Variants in CDH19 observed in about 807,000 individuals in gnomAD.
CDH19 encodes the protein cadherin-19.
Under a neutral mutation model 64.2 loss-of-function variants are expected in CDH19, and 67 were observed. The observed-to-expected ratio is 1.04, with a 90% CI of 0.86 to 1.28. The LOEUF (loss-of-function observed/expected upper bound fraction) is 1.28, where lower values mean the gene tolerates loss of function less well. Ranked by LOEUF, CDH19 falls within the 50% of genes most tolerant of loss-of-function variation. The pLI, the probability that CDH19 is intolerant of heterozygous loss-of-function variation, is 0.00. For synonymous variants in CDH19, 346 were observed against 319.3 expected (o/e 1.08, Z -0.89); for missense variants, 1,030 against 929.0 (o/e 1.11, Z -1.41).
At chr18:66,601,025 A>T (rs1037258842) in intron 1 of CDH19, among the ~76,000 whole-genome samples, 1 of 151,902 alleles carries the variant, frequency 6.6e-6, no homozygotes, top group Non-Finnish European at 1.5e-5. Context: ...AATTTCAAGC[A>T]CTGTCAAGAA....
intron 1 of CDH19, among the ~76,000 whole-genome samples, chr18:66,598,834 G>A (rs1988970120): frequency 6.6e-6 from 1 of 151,992 alleles, no homozygotes; most frequent in African/African-American, 2.4e-5. Flanking sequence ...GAAACTCAGA[G>A]TTAGAAAGTA....
chr18:66,570,055 T>C (rs978241386), intron 2 of CDH19, among the ~76,000 whole-genome samples: 1 of 151,642 alleles, frequency 6.6e-6, no homozygotes, highest in African/African-American at 2.4e-5. Context: ...TAGTTCTTAA[T>C]TATTCCTAAA....
intron 8 of CDH19, chr18:66,532,519 CAGAG>C: frequency 6.8e-6 from 2 of 294,668 alleles, no homozygotes; most frequent in South Asian, 6.3e-5. Context: ...CACACACACA[CAGAG>C]AAAGAGAGAG....
intron 1 of CDH19, among the ~76,000 whole-genome samples, chr18:66,582,206 T>A (rs1252511608): frequency 6.6e-6 from 1 of 152,110 alleles, no homozygotes; most frequent in Non-Finnish European, 1.5e-5. Flanking sequence ...GTATATAATT[T>A]TTCCCCTTGT....
At chr18:66,519,065 C>T (rs540038939) in intron 9 of CDH19, among the ~76,000 whole-genome samples, 114 of 152,158 alleles carry the variant, frequency 7.5e-4, no homozygotes, top group African/African-American at 2.7e-3. Flanking sequence ...TAGTGGAGTT[C>T]TTAACTTTTG....
chr18:66,587,717 A>G (rs1004378998), intron 1 of CDH19, among the ~76,000 whole-genome samples: 9 of 152,018 alleles, frequency 5.9e-5, no homozygotes, highest in Admixed American at 2.0e-4. Flanking sequence ...TGGAGCCTCT[A>G]CCAAGCCTGC....
intron 8 of CDH19, among the ~76,000 whole-genome samples, chr18:66,532,129 G>A (rs1986469909): frequency 6.6e-6 from 1 of 152,016 alleles, no homozygotes. Flanking sequence ...ACCAGGACTG[G>A]CTAATTTTCG....
In CDH19 at chr18:66,504,248, G is replaced by A. The variant is rs1041893749; in HGVS notation, c.*564C>T. 28 of 113,640 alleles carry A rather than the reference G, an allele frequency of 2.5e-4. No homozygotes were observed. Among genetic ancestry groups the A allele is most frequent in the African/African-American group, 9.2e-4 (28 of 30,542 alleles). The allele number at this position is 113,640 out of a possible 1,614,324, so 7.0% of individuals were successfully genotyped here. ...TTTTCCATGGATTCCTCCAACTGTT[G>A]TTTATCATACTTTCTAGTTTTCTAC... On this transcript the variant is annotated 3_prime_UTR_variant, in exon 12 of 12. Transcript: ENST00000262150.
chr18:66,590,295 A>C (rs904015948), intron 1 of CDH19, among the ~76,000 whole-genome samples: 1 of 151,910 alleles, frequency 6.6e-6, no homozygotes, highest in Non-Finnish European at 1.5e-5. Context: ...TTACTATGCA[A>C]AGATAATGGC....
rs891873356 is a variant in CDH19 at position 66,501,971 on chromosome 18, G to A, written c.*2841C>T. ...AAATTTGAAGCTTACATACAAAGCT[G>A]TGAGTCAACTAAGGGAGATATTTAA... On this transcript the variant is annotated 3_prime_UTR_variant, in exon 12 of 12. Coordinates refer to ENST00000262150, the MANE Select transcript of CDH19 (RefSeq NM_021153.4). 1.3e-5 allele frequency: 2 copies of A among 152,066 alleles called. No individual in the cohort carries two copies. The highest frequency in any genetic ancestry group is 2.9e-5 in the Non-Finnish European group (2 of 67,992). 9.4% of individuals were successfully genotyped at this position (152,066 alleles called of 1,614,324 possible). A position where few individuals can be genotyped will look rare whatever the true frequency, so the allele number is the denominator to read the frequency against.
At chr18:66,596,477 C>T (rs930241677) in intron 1 of CDH19, among the ~76,000 whole-genome samples, 19 of 152,124 alleles carry the variant, frequency 1.2e-4, no homozygotes, top group African/African-American at 4.6e-4. Context: ...TATCAAGGTA[C>T]AAAAATCAGT....
rs943427758 is a variant in CDH19 at position 66,597,638 on chromosome 18, G to C, written c.-113+6316C>G. ...ACTAAAGAGCTTCTGCACAGCAAAAGAAAGTATCAACGGAGCAAACAGACA... is the reference window on the plus strand; with the variant it reads ...ACTAAAGAGCTTCTGCACAGCAAAACAAAGTATCAACGGAGCAAACAGACA... On this transcript the variant is annotated intron_variant, in intron 1 of 11. Transcript: ENST00000262150. 2.0e-5 allele frequency among the ~76,000 whole-genome samples: 3 copies of C among 152,106 alleles called. No individual in the cohort carries two copies. The South Asian group carries it at 6.2e-4, about 32-fold the overall frequency.
chr18:66,585,137 A>C (rs1988539015), intron 1 of CDH19, among the ~76,000 whole-genome samples: 1 of 152,080 alleles, frequency 6.6e-6, no homozygotes, highest in Admixed American at 6.6e-5. Context: ...TTGGTGCCAT[A>C]ATTGTCAAGT....
chr18:66,564,869 T>C (rs1355466552), intron 3 of CDH19, among the ~76,000 whole-genome samples: 1 of 150,738 alleles, frequency 6.6e-6, no homozygotes, highest in Non-Finnish European at 1.5e-5. Context: ...CCCCTTCTTT[T>C]TTTTTTTTTT....
chr18:66,522,956 A>G (rs1299826989), intron 9 of CDH19, among the ~76,000 whole-genome samples: 1 of 151,886 alleles, frequency 6.6e-6, no homozygotes, highest in Non-Finnish European at 1.5e-5. Context: ...TTTTCCTAAA[A>G]CATTAATTTA....
chr18:66,544,045 A>G lies in CDH19; in HGVS notation c.1140T>C (p.Phe380=). 1 of 1,613,864 alleles carries G rather than the reference A, an allele frequency of 6.2e-7. No homozygotes were observed. Among genetic ancestry groups the G allele is most frequent in the Non-Finnish European group, 8.5e-7 (1 of 1,179,772 alleles). ...CAAATGATCCCTGTGGGGTTTCTTC[A>G]AAAACTTCAAATACATAATATGGAA... is the stretch of plus-strand genomic sequence containing the variant. ...FLLPYYVFEV[F]EETPQGSFVG... Residue 380 remains phenylalanine (F), a synonymous_variant, in exon 7 of 12, where the codon TTT becomes TTC. Transcript: ENST00000262150.
chr18:66,588,797 T>C (rs982357710), intron 1 of CDH19, among the ~76,000 whole-genome samples: 14 of 151,720 alleles, frequency 9.2e-5, no homozygotes, highest in African/African-American at 3.1e-4. Flanking sequence ...ACACAGTGTT[T>C]CACTTAAAGT....
At chr18:66,598,929 A>G (rs958158383) in intron 1 of CDH19, among the ~76,000 whole-genome samples, 1 of 152,088 alleles carries the variant, frequency 6.6e-6, no homozygotes. Context: ...GTAAATAAGA[A>G]TATATTATTA....
intron 9 of CDH19, among the ~76,000 whole-genome samples, chr18:66,526,237 C>T (rs564571037): frequency 3.3e-5 from 5 of 152,144 alleles, no homozygotes; most frequent in African/African-American, 1.2e-4. Context: ...CCTAAGTTAA[C>T]TAAACTTTTT....
Sources: gnomAD v4.1 joint callset for allele counts (sites outside exome capture counted in the v4.1 genomes callset) on GRCh38, gnomAD v4.1.1 for gene constraint, MANE v1.5 for transcripts, NCBI Gene and HGNC (gene_info 2026-07-23, HGNC 2026-07-21) for gene names.